The following PITPNC1 variants were observed in gnomAD, a reference collection of about 807,000 sequenced individuals.
The protein encoded by PITPNC1 is phosphatidylinositol transfer protein cytoplasmic 1.
PITPNC1 carries 18 observed loss-of-function variants against 44.7 expected under a neutral mutation model. The ratio of observed to expected loss-of-function variants is 0.40; its 90% CI spans 0.28 to 0.60. PITPNC1 has a LOEUF of 0.60. Ranked by LOEUF, PITPNC1 falls within the 20% of genes least tolerant of loss-of-function variation. The pLI is 0.39. For synonymous variants in PITPNC1, 141 were observed against 149.6 expected (o/e 0.94, Z 0.42); for missense variants, 290 against 418.4 (o/e 0.69, Z 2.68).
At chr17:67,541,755 G>C (rs984977918) in intron 2 of PITPNC1, among the ~76,000 whole-genome samples, 2 of 152,204 alleles carry the variant, frequency 1.3e-5, no homozygotes, top group African/African-American at 4.8e-5. Context: ...AGCTAGACTT[G>C]AGTGTATCAT....
intron 1 of PITPNC1, among the ~76,000 whole-genome samples, chr17:67,387,913 G>A (rs1332021356): frequency 2.0e-5 from 3 of 151,886 alleles, no homozygotes; most frequent in African/African-American, 4.8e-5. Context: ...TGTATTTTCC[G>A]TGGACACGCA....
chr17:67,420,956 C>T (rs868197249), intron 1 of PITPNC1, among the ~76,000 whole-genome samples: 19 of 152,254 alleles, frequency 1.2e-4, no homozygotes, highest in Non-Finnish European at 2.5e-4. Context: ...TAGAATTTCA[C>T]CAGCCATGAA....
intron 8 of PITPNC1, among the ~76,000 whole-genome samples, chr17:67,688,032 G>A (rs2042848250): frequency 1.1e-5 from 1 of 89,382 alleles, no homozygotes; most frequent in South Asian, 3.8e-4. Context: ...ATACATAGTA[G>A]GTGTTAAAAA....
chr17:67,425,777 C>G (rs2038756202), intron 1 of PITPNC1, among the ~76,000 whole-genome samples: 1 of 152,156 alleles, frequency 6.6e-6, no homozygotes, highest in Non-Finnish European at 1.5e-5. Context: ...GATCCTTTCA[C>G]CTCAGCCTCC....
chr17:67,398,192 GAATTTTA>G (rs1838401580), intron 1 of PITPNC1, among the ~76,000 whole-genome samples: 1 of 151,944 alleles, frequency 6.6e-6, no homozygotes, highest in African/African-American at 2.4e-5. Context: ...TTCAGACCAT[GAATTTTA>G]AATCATTGTA....
intron 1 of PITPNC1, among the ~76,000 whole-genome samples, chr17:67,409,119 C>T (rs373888391): frequency 7.3e-6 from 1 of 137,826 alleles, no homozygotes; most frequent in Non-Finnish European, 1.5e-5. Flanking sequence ...GCTCTGTCGC[C>T]CAGGCCGGAC....
chr17:67,618,489 G>T (rs1338954833), intron 5 of PITPNC1, among the ~76,000 whole-genome samples: 6 of 151,634 alleles, frequency 4.0e-5, no homozygotes, highest in Admixed American at 4.0e-4. Context: ...AGTGGCTCAC[G>T]CCTGTAATCC....
chr17:67,598,943 C>T (rs1568059143), intron 5 of PITPNC1, among the ~76,000 whole-genome samples: 1 of 144,314 alleles, frequency 6.9e-6, no homozygotes, highest in Non-Finnish European at 1.5e-5. Flanking sequence ...TGGGTCCTCA[C>T]CTGATGCCAA....
intron 1 of PITPNC1, among the ~76,000 whole-genome samples, chr17:67,490,296 G>C (rs895548510): frequency 6.6e-5 from 10 of 151,778 alleles, no homozygotes; most frequent in Admixed American, 4.6e-4. Flanking sequence ...ATCTAACCAG[G>C]GATAATGAAT....
chr17:67,673,962 G>A (rs1467780973), intron 7 of PITPNC1, among the ~76,000 whole-genome samples: 368 of 42,484 alleles, frequency 8.7e-3, no homozygotes, highest in African/African-American at 0.033. Context: ...GCGAGACTCC[G>A]TCTCAAAAAA....
intron 8 of PITPNC1, among the ~76,000 whole-genome samples, chr17:67,678,378 T>C (rs1038500354): frequency 1.3e-5 from 2 of 152,174 alleles, no homozygotes; most frequent in African/African-American, 4.8e-5. Flanking sequence ...AAGGAGTCTA[T>C]TGTGCAAAAA....
At chr17:67,494,708 C>T (rs1230241592) in intron 1 of PITPNC1, among the ~76,000 whole-genome samples, 2 of 151,972 alleles carry the variant, frequency 1.3e-5, no homozygotes, top group African/African-American at 2.4e-5. Context: ...CAGTGGCTCA[C>T]GCCTGTAATC....
intron 5 of PITPNC1, among the ~76,000 whole-genome samples, chr17:67,610,117 G>T (rs1374868253): frequency 6.6e-6 from 1 of 152,048 alleles, no homozygotes; most frequent in Non-Finnish European, 1.5e-5. Context: ...AACATAATAT[G>T]CCCAAAATAT....
At chr17:67,416,074 C>T (rs147121332) in intron 1 of PITPNC1, among the ~76,000 whole-genome samples, 245 of 152,070 alleles carry the variant, frequency 1.6e-3, no homozygotes, top group African/African-American at 5.6e-3. Flanking sequence ...TAGCACGTGG[C>T]GGGTGGCTAA....
intron 5 of PITPNC1, among the ~76,000 whole-genome samples, chr17:67,603,976 T>G (rs2041576202): frequency 6.6e-6 from 1 of 151,666 alleles, no homozygotes; most frequent in Admixed American, 6.6e-5. Context: ...TGGAGTCAGC[T>G]GCTCTAAAGT....
chr17:67,495,072 T>G (rs917366450), intron 1 of PITPNC1, among the ~76,000 whole-genome samples: 2 of 119,376 alleles, frequency 1.7e-5, no homozygotes, highest in South Asian at 3.2e-4. Flanking sequence ...TTTTTTTTTT[T>G]TTGAGACGGA....
At chr17:67,677,595 T>C (rs1364308207) in intron 8 of PITPNC1, among the ~76,000 whole-genome samples, 4 of 147,904 alleles carry the variant, frequency 2.7e-5, no homozygotes, top group African/African-American at 1.0e-4. Context: ...TGAGACAGAG[T>C]CTCGCACTGT....
intron 1 of PITPNC1, among the ~76,000 whole-genome samples, chr17:67,515,665 G>A (rs2040250145): frequency 6.6e-6 from 1 of 152,188 alleles, no homozygotes; most frequent in South Asian, 2.1e-4. Flanking sequence ...GGAGGATGAA[G>A]AGAAGTGGAT....
chr17:67,551,431 A>G (rs568784005), intron 2 of PITPNC1, among the ~76,000 whole-genome samples: 2 of 152,302 alleles, frequency 1.3e-5, no homozygotes, highest in East Asian at 3.9e-4. Flanking sequence ...CTTCTGGGGA[A>G]ACTGAGAGAG....
Sources: gnomAD v4.1 joint callset for allele counts (sites outside exome capture counted in the v4.1 genomes callset) on GRCh38, gnomAD v4.1.1 for gene constraint, MANE v1.5 for transcripts, NCBI Gene and HGNC (gene_info 2026-07-23, HGNC 2026-07-21) for gene names.